The following GPHN variants were observed in gnomAD, a reference collection of about 807,000 sequenced individuals.
GPHN encodes gephyrin.
A neutral mutation model predicts 95.5 loss-of-function variants in GPHN; 17 were observed. The ratio of observed to expected loss-of-function variants is 0.18; its 90% CI spans 0.12 to 0.27. The LOEUF (loss-of-function observed/expected upper bound fraction) is 0.27. Among genes scored for constraint, GPHN ranks in the 10% least tolerant of loss-of-function variants. GPHN has a pLI of 1.00. For missense variants in GPHN, 660 were observed against 978.1 expected, an observed-to-expected ratio of 0.67 and a Z score of 4.34; for synonymous variants, 320 against 322.5, an observed-to-expected ratio of 0.99 and a Z score of 0.08.
chr14:67,396,199 G>C, the GPHN span, among the ~76,000 whole-genome samples: 1 of 151,718 alleles, frequency 6.6e-6, no homozygotes, highest in Non-Finnish European at 1.5e-5. Flanking sequence ...CCAGGCTGGA[G>C]TACAATGGTG....
the GPHN span, among the ~76,000 whole-genome samples, chr14:67,417,367 G>A: frequency 6.6e-6 from 1 of 152,156 alleles, no homozygotes; most frequent in African/African-American, 2.4e-5. Context: ...ATTTCCACTC[G>A]ATCCCACGTT....
At chr14:67,248,146 T>A in the GPHN span, among the ~76,000 whole-genome samples, 3,654 of 152,306 alleles carry the variant, frequency 0.024, 70 homozygotes, top group Non-Finnish European at 0.036. Context: ...TGAACCATAT[T>A]TGCATGTTTC....
the GPHN span, among the ~76,000 whole-genome samples, chr14:67,608,873 C>G: frequency 6.6e-6 from 1 of 152,142 alleles, no homozygotes; most frequent in African/African-American, 2.4e-5. Context: ...AAAACACAAA[C>G]AGTTTGATTC....
the GPHN span, among the ~76,000 whole-genome samples, chr14:67,327,925 T>C: frequency 1.3e-5 from 2 of 152,248 alleles, no homozygotes; most frequent in African/African-American, 4.8e-5. Flanking sequence ...CTATCGTAAA[T>C]AGTGCTGCAG....
intron 10 of GPHN, among the ~76,000 whole-genome samples, chr14:67,049,385 AC>A (rs2075194329): frequency 6.8e-6 from 1 of 146,440 alleles, no homozygotes; most frequent in Non-Finnish European, 1.5e-5. Context: ...CCGCCACCAC[AC>A]CCGGCTAATT....
intron 8 of GPHN, among the ~76,000 whole-genome samples, chr14:66,934,012 G>T (rs1036103651): frequency 3.3e-5 from 5 of 151,890 alleles, no homozygotes; most frequent in Admixed American, 2.0e-4. Context: ...TGTGGCACAT[G>T]CCTGTAGTCC....
Position 66,560,077 on chromosome 14 carries a change from C to G in GPHN, c.64+51486C>G, listed in dbSNP as rs1225931224. Among the ~76,000 whole-genome samples, 106 of 151,786 alleles carry G rather than the reference C, an allele frequency of 7.0e-4. 1 individual carries two copies. Among genetic ancestry groups the G allele is most frequent in the African/African-American group, 2.5e-3 (102 of 41,142 alleles). On this transcript the variant is annotated intron_variant, in intron 1 of 22. Coordinates refer to ENST00000478722, the MANE Select transcript of GPHN (RefSeq NM_020806.5). ...ATATGCGGCGTTATTTCTGAGGGCT[C>G]CGTTCTGTTCCATTGGTCTATATCT...
intron 2 of GPHN, among the ~76,000 whole-genome samples, chr14:66,758,776 C>T (rs754913414): frequency 6.6e-6 from 1 of 152,130 alleles, no homozygotes; most frequent in Non-Finnish European, 1.5e-5. Context: ...GCAGGATTTG[C>T]AGGATAATTG....
chr14:66,689,617 A>G (rs1185688265), intron 2 of GPHN, among the ~76,000 whole-genome samples: 1 of 152,150 alleles, frequency 6.6e-6, no homozygotes, highest in Non-Finnish European at 1.5e-5. Context: ...AGTTTTAGAC[A>G]TATTGATTTT....
the GPHN span, among the ~76,000 whole-genome samples, chr14:67,383,101 AATAC>A: frequency 6.6e-6 from 1 of 152,202 alleles, no homozygotes; most frequent in Non-Finnish European, 1.5e-5. Context: ...TTTCCATTTT[AATAC>A]ATACATCCTT....
the GPHN span, among the ~76,000 whole-genome samples, chr14:67,516,171 G>A: frequency 1.3e-5 from 2 of 152,210 alleles, no homozygotes; most frequent in Non-Finnish European, 2.9e-5. Flanking sequence ...GCTGAGCAGG[G>A]AGTGGGAATG....
At chr14:67,724,577 A>G in the GPHN span, 1 of 1,613,104 alleles carries the variant, frequency 6.2e-7, no homozygotes, top group Non-Finnish European at 8.5e-7. Context: ...ACGGCCAGAG[A>G]GCTCGCTAGC....
intron 4 of GPHN, among the ~76,000 whole-genome samples, chr14:66,842,174 A>G (rs977210074): frequency 1.4e-4 from 21 of 151,972 alleles, no homozygotes; most frequent in African/African-American, 4.8e-4. Context: ...CAACATATAA[A>G]TGGAATTAAA....
chr14:66,776,587 C>A (rs1247677146), intron 3 of GPHN, 66 bp downstream of exon 3: 4 of 908,156 alleles, frequency 4.4e-6, no homozygotes, highest in Non-Finnish European at 7.5e-6. Flanking sequence ...GGAAGAGTTG[C>A]TTTTTCTTTA....
intron 20 of GPHN, among the ~76,000 whole-genome samples, chr14:67,165,469 C>A (rs1212645392): frequency 2.5e-5 from 2 of 78,842 alleles, no homozygotes; most frequent in Non-Finnish European, 3.8e-5. Context: ...CATTCCAAAT[C>A]CTATCAAAGC....
At chr14:67,693,769 C>T in the GPHN span, among the ~76,000 whole-genome samples, 1 of 151,622 alleles carries the variant, frequency 6.6e-6, no homozygotes, top group Non-Finnish European at 1.5e-5. Context: ...CAGGTTCAAG[C>T]GATTCTCATC....
the GPHN span, among the ~76,000 whole-genome samples, chr14:67,193,620 T>G: frequency 6.9e-6 from 1 of 145,946 alleles, no homozygotes; most frequent in African/African-American, 2.5e-5. Flanking sequence ...TAGATAGAAA[T>G]ATATCTATCT....
the GPHN span, chr14:67,359,743 G>C: frequency 3.1e-6 from 5 of 1,611,198 alleles, no homozygotes; most frequent in Non-Finnish European, 3.4e-6. Flanking sequence ...GGGCAACCGA[G>C]GCTGCAATAG....
intron 10 of GPHN, among the ~76,000 whole-genome samples, chr14:67,031,805 C>G (rs2074209924): frequency 6.6e-6 from 1 of 152,006 alleles, no homozygotes; most frequent in Non-Finnish European, 1.5e-5. Context: ...TGTCTTATTT[C>G]TCTTATTTTT....
Sources: gnomAD v4.1 joint callset for allele counts (sites outside exome capture counted in the v4.1 genomes callset) on GRCh38, gnomAD v4.1.1 for gene constraint, MANE v1.5 for transcripts, NCBI Gene and HGNC (gene_info 2026-07-23, HGNC 2026-07-21) for gene names.